PTPRD: variants seen among roughly 807,000 people sequenced by gnomAD.
PTPRD encodes protein tyrosine phosphatase receptor type D.
In PTPRD, 34 loss-of-function variants were observed where a neutral mutation model predicts 214.5. The observed-to-expected ratio is 0.16, with a 90% CI of 0.12 to 0.21. PTPRD has a LOEUF of 0.21. PTPRD is among the 10% of genes least tolerant of loss of function. PTPRD has a pLI of 1.00. For synonymous variants in PTPRD, 1,128 were observed against 845.7 expected (o/e 1.33, Z -5.79); for missense variants, 2,545 against 2,398.7 (o/e 1.06, Z -1.27).
chr9:9,857,942 G>A (rs2153683926), intron 5 of PTPRD, among the ~76,000 whole-genome samples: 1 of 152,168 alleles, frequency 6.6e-6, no homozygotes, highest in South Asian at 2.1e-4. Context: ...AAATTCAAAT[G>A]GAAAGAAATA....
intron 8 of PTPRD, among the ~76,000 whole-genome samples, chr9:9,552,154 G>A (rs1468139407): frequency 6.6e-6 from 1 of 151,874 alleles, no homozygotes; most frequent in Non-Finnish European, 1.5e-5. Context: ...TACCAATAAA[G>A]AAACAAAGGC....
intron 2 of PTPRD, among the ~76,000 whole-genome samples, chr9:10,353,727 A>G (rs545482914): frequency 4.7e-4 from 71 of 152,096 alleles, no homozygotes; most frequent in Admixed American, 1.2e-3. Context: ...GTTTTTAACA[A>G]CCGTACACCA....
chr9:8,337,730 G>A (rs941028706), intron 43 of PTPRD, among the ~76,000 whole-genome samples: 2 of 151,936 alleles, frequency 1.3e-5, no homozygotes, highest in African/African-American at 4.8e-5. Context: ...TTTAAGTTGT[G>A]CATGTGTGGA....
At chr9:9,078,713 C>T (rs1214655527) in intron 10 of PTPRD, among the ~76,000 whole-genome samples, 1 of 152,014 alleles carries the variant, frequency 6.6e-6, no homozygotes, top group Non-Finnish European at 1.5e-5. Context: ...AAGGCAAAAA[C>T]TATCAGCAAT....
intron 3 of PTPRD, among the ~76,000 whole-genome samples, chr9:10,264,486 C>T (rs906039568): frequency 1.8e-4 from 27 of 152,140 alleles, no homozygotes; most frequent in Non-Finnish European, 3.8e-4. Flanking sequence ...TTTGACTGCC[C>T]TGCTGGATTT....
chr9:9,807,667 G>T (rs1346750007), intron 5 of PTPRD, among the ~76,000 whole-genome samples: 1 of 152,124 alleles, frequency 6.6e-6, no homozygotes, highest in East Asian at 1.9e-4. Flanking sequence ...GGAAACAAAA[G>T]ACATCATTCT....
At chr9:8,963,340 G>C (rs898731403) in intron 11 of PTPRD, among the ~76,000 whole-genome samples, 7 of 152,038 alleles carry the variant, frequency 4.6e-5, no homozygotes, top group Non-Finnish European at 1.0e-4. Flanking sequence ...ATTATAGCAA[G>C]GTTTAATTTT....
At chr9:9,936,028 T>TA (rs2089227053) in intron 5 of PTPRD, among the ~76,000 whole-genome samples, 1 of 149,902 alleles carries the variant, frequency 6.7e-6, no homozygotes, top group African/African-American at 2.5e-5. Context: ...TAGCCATATG[T>TA]AGAAAGCTGA....
chr9:9,031,122 C>T (rs1270015724), intron 10 of PTPRD, among the ~76,000 whole-genome samples: 3 of 151,852 alleles, frequency 2.0e-5, no homozygotes, highest in Non-Finnish European at 4.4e-5. Context: ...ATGTGGAACT[C>T]AAGGGTGACA....
chr9:8,778,730 G>A (rs926382295), intron 11 of PTPRD, among the ~76,000 whole-genome samples: 1 of 152,128 alleles, frequency 6.6e-6, no homozygotes, highest in East Asian at 1.9e-4. Flanking sequence ...AGGAGGCCAT[G>A]GAGTGTTTCC....
At chr9:9,393,526 T>C (rs1351932021) in intron 9 of PTPRD, among the ~76,000 whole-genome samples, 1 of 152,198 alleles carries the variant, frequency 6.6e-6, no homozygotes, top group Non-Finnish European at 1.5e-5. Context: ...ATGAGATCCC[T>C]ATTGACACTT....
intron 8 of PTPRD, among the ~76,000 whole-genome samples, chr9:9,461,393 T>C (rs1036761626): frequency 2.2e-4 from 33 of 152,080 alleles, no homozygotes; most frequent in African/African-American, 7.7e-4. Context: ...ATTACCAAAA[T>C]ATGACTTTTA....
intron 5 of PTPRD, among the ~76,000 whole-genome samples, chr9:9,892,179 A>G (rs957005895): frequency 6.6e-6 from 1 of 152,164 alleles, no homozygotes; most frequent in Non-Finnish European, 1.5e-5. Context: ...AGTTCTATGA[A>G]GAAAAATGAA....
At chr9:9,582,099 G>A (rs1018300248) in intron 7 of PTPRD, among the ~76,000 whole-genome samples, 1 of 152,032 alleles carries the variant, frequency 6.6e-6, no homozygotes, top group East Asian at 1.9e-4. Context: ...ATATAAGTTT[G>A]AGTGGGTTTA....
At chr9:9,557,444 T>A (rs1011055439) in intron 8 of PTPRD, among the ~76,000 whole-genome samples, 13 of 152,176 alleles carry the variant, frequency 8.5e-5, no homozygotes, top group African/African-American at 3.1e-4. Flanking sequence ...CAAAATAAAA[T>A]TTTTTGACAT....
chr9:9,288,504 T>G (rs939005016), intron 9 of PTPRD, among the ~76,000 whole-genome samples: 1 of 151,846 alleles, frequency 6.6e-6, no homozygotes, highest in Non-Finnish European at 1.5e-5. Context: ...GTGGTATATC[T>G]GTGTGAGTCT....
intron 5 of PTPRD, among the ~76,000 whole-genome samples, chr9:9,804,689 T>A (rs955272905): frequency 6.6e-6 from 1 of 152,070 alleles, no homozygotes; most frequent in Non-Finnish European, 1.5e-5. Context: ...AGGCATTTAA[T>A]CTAAACAAGA....
intron 8 of PTPRD, among the ~76,000 whole-genome samples, chr9:9,573,433 T>G (rs547807771): frequency 6.6e-6 from 1 of 151,294 alleles, no homozygotes; most frequent in Non-Finnish European, 1.5e-5. Context: ...AAAAAACTTA[T>G]GTCAGTATTG....
At chr9:9,957,603 A>C (rs147354740) in intron 4 of PTPRD, among the ~76,000 whole-genome samples, 143 of 152,266 alleles carry the variant, frequency 9.4e-4, no homozygotes, top group African/African-American at 3.3e-3. Flanking sequence ...AGCAAAAACA[A>C]AACAACAACA....
Sources: gnomAD v4.1 joint callset for allele counts (sites outside exome capture counted in the v4.1 genomes callset) on GRCh38, gnomAD v4.1.1 for gene constraint, MANE v1.5 for transcripts, NCBI Gene and HGNC (gene_info 2026-07-23, HGNC 2026-07-21) for gene names.